The following TTC3 variants were observed in gnomAD, a reference collection of about 807,000 sequenced individuals.
TTC3 encodes the protein tetratricopeptide repeat domain 3.
In TTC3, 180 loss-of-function variants were observed where a neutral mutation model predicts 249.6. The observed-to-expected ratio is 0.72, with a 90% CI of 0.64 to 0.82. The LOEUF is 0.82. TTC3 is among the 40% of genes least tolerant of loss of function. TTC3 has a pLI of 0.00. For missense variants in TTC3, 2,061 were observed against 2,398.4 expected (o/e 0.86, Z 2.94); for synonymous variants, 717 against 805.0 (o/e 0.89, Z 1.85).
chr21:37,120,635 T>C lies in TTC3; in HGVS notation c.901-1182T>C, dbSNP rs532196032. ...TATACCCTTTCAGCAAAACAGAGTT[T>C]AATGAAATGCCATATGAATTGGAGT... On this transcript the variant is annotated intron_variant, in intron 11 of 45. Coordinates refer to ENST00000355666, the Ensembl canonical transcript of TTC3. Among the ~76,000 whole-genome samples the C allele has an allele frequency of 2.6e-5, 4 of 152,288 alleles. 1 individual carries two copies. Among genetic ancestry groups the C allele is most frequent in the African/African-American group, 9.6e-5 (4 of 41,562 alleles).
chr21:37,190,145 T>C (rs982940231), intron 39 of TTC3, among the ~76,000 whole-genome samples: 5 of 127,776 alleles, frequency 3.9e-5, no homozygotes, highest in African/African-American at 1.4e-4. Context: ...TTTTTTTTTT[T>C]TTTTTTTTTT....
intron 2 of TTC3, 117 bp downstream of exon 2, chr21:37,087,518 T>G (rs1021953465): frequency 7.8e-7 from 1 of 1,287,438 alleles, no homozygotes; most frequent in African/African-American, 1.5e-5. Context: ...GAGGTACACA[T>G]GCTGTTGAAA....
At chr21:37,196,960 G>T (rs563397154) in intron 42 of TTC3, among the ~76,000 whole-genome samples, 2 of 152,330 alleles carry the variant, frequency 1.3e-5, no homozygotes, top group African/African-American at 4.8e-5. Flanking sequence ...TCTGGTTTCC[G>T]CTGTTCAGGT....
chr21:37,166,307 G>A (rs1475770626), exon 33 of TTC3: 1 of 1,614,078 alleles, frequency 6.2e-7, no homozygotes, highest in Non-Finnish European at 8.5e-7. Context: ...ACCAAGATCA[G>A]TACCAGTGGT....
intron 30 of TTC3, 48 bp from the exon 31 acceptor site, chr21:37,161,942 G>C: frequency 7.5e-7 from 1 of 1,327,864 alleles, no homozygotes; most frequent in Non-Finnish European, 1.0e-6. Context: ...CTCTTTAATG[G>C]AATTTTAAGG....
At chr21:37,125,662 G>A (rs911640198) in intron 14 of TTC3, among the ~76,000 whole-genome samples, 1 of 151,564 alleles carries the variant, frequency 6.6e-6, no homozygotes, top group African/African-American at 2.4e-5. Flanking sequence ...AATATCATCA[G>A]TAGCTTCTTT....
intron 1 of TTC3, among the ~76,000 whole-genome samples, chr21:37,085,129 A>G (rs1385415685): frequency 6.6e-6 from 1 of 152,232 alleles, no homozygotes; most frequent in Non-Finnish European, 1.5e-5. Flanking sequence ...TCTGCCAGGT[A>G]TGAGCACATT....
chr21:37,132,950 A>G (rs1047502613), intron 17 of TTC3, among the ~76,000 whole-genome samples, 184 bp downstream of exon 17: 19 of 152,250 alleles, frequency 1.2e-4, no homozygotes, highest in Admixed American at 9.2e-4. Context: ...CCTGGCCTCA[A>G]GCAATCCTCT....
intron 14 of TTC3, among the ~76,000 whole-genome samples, chr21:37,125,535 C>T (rs909945949): frequency 5.3e-5 from 8 of 152,070 alleles, no homozygotes; most frequent in Admixed American, 2.0e-4. Flanking sequence ...AAACTGAGAA[C>T]GGGAGTTATC....
At chr21:37,193,944 A>G (rs1029702049) in intron 41 of TTC3, 11 of 152,254 alleles carry the variant, frequency 7.2e-5, no homozygotes, top group African/African-American at 2.7e-4. Context: ...TGCAATAGGA[A>G]CTTACCAGAC....
intron 13 of TTC3, among the ~76,000 whole-genome samples, chr21:37,123,614 G>A (rs552424230): frequency 2.6e-5 from 4 of 152,320 alleles, no homozygotes; most frequent in East Asian, 1.9e-4. Context: ...CTGGGATACC[G>A]AAGCTGCTAA....
intron 14 of TTC3, among the ~76,000 whole-genome samples, chr21:37,124,993 C>A (rs2076939575): frequency 6.6e-6 from 1 of 152,108 alleles, no homozygotes; most frequent in Non-Finnish European, 1.5e-5. Flanking sequence ...TTAAAAATAA[C>A]CATTTTGCCG....
chr21:37,108,283 C>G, intron 10 of TTC3, 109 bp from the exon 11 acceptor site: 1 of 781,156 alleles, frequency 1.3e-6, no homozygotes, highest in Non-Finnish European at 1.9e-6. Flanking sequence ...TTAAAATTAT[C>G]TTTTGACTAG....
chr21:37,122,422 AT>A (rs1568978747), intron 12 of TTC3, among the ~76,000 whole-genome samples: 21 of 31,974 alleles, frequency 6.6e-4, no homozygotes, highest in African/African-American at 2.1e-3. Flanking sequence ...TATATATAAT[AT>A]ATATATATAT....
intron 15 of TTC3, among the ~76,000 whole-genome samples, chr21:37,127,909 T>G (rs1325961851): frequency 6.6e-6 from 1 of 152,220 alleles, no homozygotes; most frequent in South Asian, 2.1e-4. Flanking sequence ...CAACAGCATA[T>G]AAAACATCTT....
At chr21:37,124,495 A>G in intron 13 of TTC3, 124 bp from the exon 14 acceptor site, 1 of 991,496 alleles carries the variant, frequency 1.0e-6, no homozygotes, top group Non-Finnish European at 1.5e-6. Flanking sequence ...TCTCACAGGT[A>G]GGAAATCTTT....
chr21:37,108,509 T>C (rs2075303166), intron 11 of TTC3, 63 bp downstream of exon 11: 1 of 1,461,576 alleles, frequency 6.8e-7, no homozygotes, highest in Non-Finnish European at 9.4e-7. Context: ...AAAAATCTGT[T>C]TATAGGGTGT....
At chr21:37,176,251 A>G (rs987858000) in intron 35 of TTC3, among the ~76,000 whole-genome samples, 6 of 152,220 alleles carry the variant, frequency 3.9e-5, no homozygotes, top group African/African-American at 1.4e-4. Context: ...AACCATTACA[A>G]AGTATACAAT....
chr21:37,169,826 C>A (rs560831938), intron 34 of TTC3, among the ~76,000 whole-genome samples: 13 of 150,252 alleles, frequency 8.7e-5, no homozygotes, highest in Admixed American at 8.6e-4. Flanking sequence ...CTAGCCCGGG[C>A]GACAGTGCGA....
Sources: allele counts gnomAD v4.1 joint callset (sites outside exome capture counted in the v4.1 genomes callset), GRCh38; gene constraint gnomAD v4.1.1; transcripts MANE v1.5; gene names NCBI Gene and HGNC (gene_info 2026-07-23, HGNC 2026-07-21).